PLXNA4: variants seen among roughly 807,000 people sequenced by gnomAD.
PLXNA4 encodes the protein plexin A4.
Under a neutral mutation model 191.8 loss-of-function variants are expected in PLXNA4, and 44 were observed. The observed-to-expected ratio is 0.23, with a 90% CI of 0.18 to 0.29. The LOEUF (loss-of-function observed/expected upper bound fraction) is 0.29, where lower values mean the gene tolerates loss of function less well. PLXNA4 is among the 10% of genes least tolerant of loss of function. The pLI, the probability that PLXNA4 is intolerant of heterozygous loss-of-function variation, is 1.00. For missense variants in PLXNA4, 1,800 were observed against 2,488.8 expected (o/e 0.72, Z 5.89); for synonymous variants, 1,082 against 1,009.5 (o/e 1.07, Z -1.36).
At chr7:132,359,051 G>T (rs1803823637) in intron 3 of PLXNA4, among the ~76,000 whole-genome samples, 1 of 152,122 alleles carries the variant, frequency 6.6e-6, no homozygotes, top group East Asian at 1.9e-4. Context: ...TAGTGAGGTG[G>T]CCCTGAGAAA....
chr7:132,169,792 A>G lies in PLXNA4; in HGVS notation c.4018-1220T>C, dbSNP rs188640011. 1.7e-3 allele frequency among the ~76,000 whole-genome samples: 253 copies of G among 152,058 alleles called. 2 individuals are homozygous for G. Among genetic ancestry groups the G allele is most frequent in the African/African-American group, 5.8e-3 (241 of 41,460 alleles). Reference sequence around the variant, plus strand: ...CTTGATGGGCATGTTCACTTGGGGAAAAGTCATCGAGCTGCACGCTGACAA... The same window carrying G: ...CTTGATGGGCATGTTCACTTGGGGAGAAGTCATCGAGCTGCACGCTGACAA... On this transcript the variant is annotated intron_variant, in intron 21 of 31. Transcript: ENST00000321063.
At position 132,125,568 on chromosome 7, in the gene PLXNA4, C is replaced by T. The variant is rs773949936; in HGVS notation, c.*4911G>A. The stretch of plus-strand genomic sequence containing the variant: ...ACTATTAAGATATACAAACAAAAAC[C>T]AAACAACTCCAAAATCCCAAATAAA... On this transcript the variant is annotated 3_prime_UTR_variant, in exon 32 of 32. Transcript: ENST00000321063. 1.3e-5 allele frequency: 2 copies of T among 152,232 alleles called. No homozygotes were observed. The highest frequency in any genetic ancestry group is 2.1e-4 in the South Asian group (1 of 4,804). The allele number at this position is 152,232 out of a possible 1,614,324, so 9.4% of individuals were successfully genotyped here. A position where few individuals can be genotyped will look rare whatever the true frequency, so the allele number is the denominator to read the frequency against.
chr7:132,639,291 G>A (rs1296070241), intron 2 of PLXNA4, among the ~76,000 whole-genome samples: 1 of 152,108 alleles, frequency 6.6e-6, no homozygotes, highest in South Asian at 2.1e-4. Context: ...CTATAGCAGG[G>A]TAGTCTGTGC....
intron 1 of PLXNA4, among the ~76,000 whole-genome samples, chr7:132,574,033 C>G (rs1202130099): frequency 6.6e-6 from 1 of 152,200 alleles, no homozygotes; most frequent in Non-Finnish European, 1.5e-5. Flanking sequence ...GTATACTCCG[C>G]TTTACAGAGA....
chr7:132,227,333 C>T, intron 7 of PLXNA4, 118 bp downstream of exon 7: 4 of 1,381,536 alleles, frequency 2.9e-6, no homozygotes, highest in Non-Finnish European at 4.0e-6. Flanking sequence ...ATCCCATGCC[C>T]CTTCCTCTGA....
intron 2 of PLXNA4, among the ~76,000 whole-genome samples, chr7:132,603,857 C>T (rs1802866550): frequency 1.3e-5 from 1 of 74,794 alleles, no homozygotes; most frequent in Non-Finnish European, 4.6e-5. Context: ...TTAATTCTGG[C>T]CTTGAGCAAA....
intron 3 of PLXNA4, among the ~76,000 whole-genome samples, 155 bp downstream of exon 3, chr7:132,489,137 T>C (rs534704298): frequency 1.3e-5 from 2 of 152,322 alleles, no homozygotes; most frequent in African/African-American, 4.8e-5. Context: ...AAGGACAAGA[T>C]GATCATCATG....
intron 2 of PLXNA4, among the ~76,000 whole-genome samples, chr7:132,505,580 G>A (rs889133119): frequency 1.3e-5 from 2 of 152,190 alleles, no homozygotes; most frequent in Non-Finnish European, 2.9e-5. Flanking sequence ...ATGCATGTAT[G>A]GGTGTCCTGC....
At chr7:132,188,993 G>GGAGAGA (rs1235676896) in intron 14 of PLXNA4, among the ~76,000 whole-genome samples, 2 of 35,568 alleles carry the variant, frequency 5.6e-5, no homozygotes, top group Non-Finnish European at 9.6e-5. Flanking sequence ...GGAAAGGAAA[G>GGAGAGA]GAGAGAGAGA....
intron 3 of PLXNA4, among the ~76,000 whole-genome samples, chr7:132,475,343 T>C (rs1362642954): frequency 6.6e-6 from 1 of 152,178 alleles, no homozygotes; most frequent in Non-Finnish European, 1.5e-5. Context: ...TAGAGCTCTT[T>C]ATGTGCCCAT....
At chr7:132,594,482 C>T (rs1370784324) in intron 2 of PLXNA4, among the ~76,000 whole-genome samples, 1 of 152,204 alleles carries the variant, frequency 6.6e-6, no homozygotes, top group East Asian at 1.9e-4. Context: ...TCCTAGGAAA[C>T]TAATGGGCTC....
At chr7:132,234,655 G>T (rs982715586) in intron 5 of PLXNA4, among the ~76,000 whole-genome samples, 1 of 151,308 alleles carries the variant, frequency 6.6e-6, no homozygotes, top group African/African-American at 2.4e-5. Flanking sequence ...TTGGCGGGGG[G>T]CAGGGTTAAA....
At chr7:132,468,428 T>C (rs1796792030) in intron 3 of PLXNA4, among the ~76,000 whole-genome samples, 1 of 152,170 alleles carries the variant, frequency 6.6e-6, no homozygotes, top group African/African-American at 2.4e-5. Context: ...GCACACTCAA[T>C]CCCAGTGAAC....
chr7:132,348,366 C>G (rs1803335325), intron 3 of PLXNA4, among the ~76,000 whole-genome samples: 1 of 152,200 alleles, frequency 6.6e-6, no homozygotes, highest in Non-Finnish European at 1.5e-5. Context: ...TAGCATTTCT[C>G]CTGTATGCTT....
chr7:132,210,867 T>C (rs947968839), intron 10 of PLXNA4, 76 bp downstream of exon 10: 9 of 1,505,242 alleles, frequency 6.0e-6, no homozygotes, highest in Non-Finnish European at 8.2e-6. Flanking sequence ...CTGAGCTGAT[T>C]TGGCTCCTAG....
chr7:132,540,882 C>T (rs1369873487), intron 1 of PLXNA4, among the ~76,000 whole-genome samples: 1 of 152,024 alleles, frequency 6.6e-6, no homozygotes, highest in African/African-American at 2.4e-5. Context: ...CCACCGCGCC[C>T]GGCCTGGACC....
At chr7:132,297,726 G>A (rs1050149908) in intron 4 of PLXNA4, among the ~76,000 whole-genome samples, 8 of 152,146 alleles carry the variant, frequency 5.3e-5, no homozygotes, top group African/African-American at 1.9e-4. Flanking sequence ...CTGGGGGCCA[G>A]GAAGGTGACT....
At chr7:132,177,929 A>G (rs1796530988) in intron 20 of PLXNA4, among the ~76,000 whole-genome samples, 1 of 152,136 alleles carries the variant, frequency 6.6e-6, no homozygotes, top group South Asian at 2.1e-4. Context: ...AATCGGTGTG[A>G]AGTGAGAGCC....
chr7:132,380,162 A>G (rs1804831625), intron 3 of PLXNA4, among the ~76,000 whole-genome samples: 1 of 152,204 alleles, frequency 6.6e-6, no homozygotes, highest in Non-Finnish European at 1.5e-5. Flanking sequence ...CGGGAACTAC[A>G]GATAACTTTT....
Sources: allele counts gnomAD v4.1 joint callset (sites outside exome capture counted in the v4.1 genomes callset), GRCh38; gene constraint gnomAD v4.1.1; transcripts MANE v1.5; gene names NCBI Gene and HGNC (gene_info 2026-07-23, HGNC 2026-07-21).